The following PBX3 variants were observed in gnomAD, a reference collection of about 807,000 sequenced individuals.
PBX3 encodes PBX homeobox 3, also known as pre-B-cell leukemia transcription factor 3.
Under a neutral mutation model 48.5 loss-of-function variants are expected in PBX3, and 14 were observed. The observed-to-expected ratio is 0.29, with a 90% CI of 0.19 to 0.45. The LOEUF (loss-of-function observed/expected upper bound fraction) is 0.45, where lower values mean the gene tolerates loss of function less well. Ranked by LOEUF, PBX3 falls within the 20% of genes least tolerant of loss-of-function variation. The pLI, the probability that PBX3 is intolerant of heterozygous loss-of-function variation, is 1.00. For synonymous variants in PBX3, 210 were observed against 200.3 expected (o/e 1.05, Z -0.41); for missense variants, 386 against 546.7 (o/e 0.71, Z 2.93).
chr9:125,770,408 A>C (rs1251809750), intron 2 of PBX3, among the ~76,000 whole-genome samples: 1 of 152,188 alleles, frequency 6.6e-6, no homozygotes, highest in Non-Finnish European at 1.5e-5. Flanking sequence ...AGGGGAATAT[A>C]GTACTTAGGC....
At chr9:125,928,752 A>C (rs1841645886) in intron 3 of PBX3, among the ~76,000 whole-genome samples, 2 of 152,182 alleles carry the variant, frequency 1.3e-5, no homozygotes, top group Non-Finnish European at 1.5e-5. Context: ...GGCGTGAGCC[A>C]CCGCGCCCGG....
chr9:125,926,155 A>AG (rs1212246869), intron 3 of PBX3, among the ~76,000 whole-genome samples: 10 of 152,258 alleles, frequency 6.6e-5, no homozygotes, highest in African/African-American at 2.4e-4. Context: ...GGAAAGTTCA[A>AG]GAAAAAGATA....
At chr9:125,790,598 C>G (rs541509604) in intron 2 of PBX3, among the ~76,000 whole-genome samples, 1 of 146,390 alleles carries the variant, frequency 6.8e-6, no homozygotes, top group Non-Finnish European at 1.5e-5. Flanking sequence ...AAACAGAGTC[C>G]TGTTCTGTCA....
At chr9:125,832,687 C>T (rs1839000478) in intron 2 of PBX3, among the ~76,000 whole-genome samples, 1 of 152,218 alleles carries the variant, frequency 6.6e-6, no homozygotes, top group Non-Finnish European at 1.5e-5. Flanking sequence ...CTCAGATTCA[C>T]TTGCTTAGAT....
intron 2 of PBX3, among the ~76,000 whole-genome samples, chr9:125,780,834 C>T (rs1373832547): frequency 6.7e-6 from 1 of 149,564 alleles, no homozygotes; most frequent in African/African-American, 2.5e-5. Context: ...TCCTCACTTC[C>T]CAGACGGGGT....
intron 2 of PBX3, among the ~76,000 whole-genome samples, chr9:125,852,277 A>G (rs1004262514): frequency 6.6e-6 from 1 of 152,188 alleles, no homozygotes; most frequent in Non-Finnish European, 1.5e-5. Context: ...CATTCAGTTT[A>G]CAAAAAAGTT....
intron 2 of PBX3, among the ~76,000 whole-genome samples, chr9:125,872,362 A>G (rs1282584436): frequency 6.6e-6 from 1 of 152,334 alleles, no homozygotes; most frequent in Non-Finnish European, 1.5e-5. Context: ...CTGACAACAC[A>G]CTTATTTACA....
At chr9:125,747,739 C>A in intron 1 of PBX3, 86 bp downstream of exon 1, 2 of 1,038,798 alleles carry the variant, frequency 1.9e-6, no homozygotes, top group Non-Finnish European at 2.6e-6. Context: ...GCGCCCGGGG[C>A]TAGGGCCGCA....
intron 4 of PBX3, among the ~76,000 whole-genome samples, chr9:125,931,520 ACTC>A (rs934642181): frequency 2.6e-5 from 4 of 151,666 alleles, no homozygotes; most frequent in African/African-American, 4.8e-5. Context: ...CTGGTCTTGA[ACTC>A]CTGAACTCAA....
intron 2 of PBX3, among the ~76,000 whole-genome samples, chr9:125,773,186 C>T (rs1031544233): frequency 1.3e-5 from 2 of 151,910 alleles, no homozygotes; most frequent in African/African-American, 4.8e-5. Context: ...AGATCAGTGA[C>T]GATATGTATT....
Position 125,830,950 on chromosome 9 carries a change from C to T in PBX3, c.274+82327C>T, listed in dbSNP as rs547219538. ...GGTACAATGAACTCCTGTATAACCA[C>T]CAGTCAGCTTTAACCACTAATATGT... On this transcript the variant is annotated intron_variant, in intron 2 of 8. Transcript: ENST00000373489. Among the ~76,000 whole-genome samples, 3 of 152,212 alleles carry T rather than the reference C, an allele frequency of 2.0e-5. No homozygotes were observed. In the East Asian group the frequency reaches 5.8e-4, roughly 29 times the overall value.
At chr9:125,826,974 A>G (rs1390105484) in intron 2 of PBX3, among the ~76,000 whole-genome samples, 1 of 152,164 alleles carries the variant, frequency 6.6e-6, no homozygotes, top group Non-Finnish European at 1.5e-5. Context: ...TAGAAATTAT[A>G]CTTTTAATCT....
At chr9:125,923,385 T>TAACG (rs1841496235) in intron 3 of PBX3, among the ~76,000 whole-genome samples, 2 of 152,214 alleles carry the variant, frequency 1.3e-5, no homozygotes, top group Admixed American at 6.5e-5. Flanking sequence ...ATTAACAGTG[T>TAACG]TACGTGGCAT....
chr9:125,761,058 T>C (rs535740328), intron 2 of PBX3, among the ~76,000 whole-genome samples: 3 of 152,204 alleles, frequency 2.0e-5, no homozygotes, highest in Non-Finnish European at 4.4e-5. Context: ...TTAAGAGATA[T>C]GAAATTAGTG....
intron 2 of PBX3, among the ~76,000 whole-genome samples, chr9:125,884,050 C>T (rs530434409): frequency 1.3e-5 from 2 of 152,134 alleles, no homozygotes; most frequent in Admixed American, 6.5e-5. Context: ...TAATTAATGG[C>T]AATTAATCCT....
intron 8 of PBX3, among the ~76,000 whole-genome samples, chr9:125,963,711 G>C (rs1251442509): frequency 6.6e-6 from 1 of 152,158 alleles, no homozygotes; most frequent in African/African-American, 2.4e-5. Context: ...AGGTCATCGT[G>C]GTGGTGCTGC....
At chr9:125,805,300 G>A (rs532029433) in intron 2 of PBX3, among the ~76,000 whole-genome samples, 243 of 152,234 alleles carry the variant, frequency 1.6e-3, no homozygotes, top group African/African-American at 5.5e-3. Context: ...TAGTGTGTGA[G>A]GGGAAGAATA....
intron 2 of PBX3, among the ~76,000 whole-genome samples, chr9:125,769,815 A>T (rs1274117048): frequency 6.6e-6 from 1 of 152,220 alleles, no homozygotes; most frequent in African/African-American, 2.4e-5. Flanking sequence ...TTTACAAAAT[A>T]AGGAAGTAGG....
At chr9:125,834,978 C>T (rs1839079882) in intron 2 of PBX3, among the ~76,000 whole-genome samples, 1 of 117,378 alleles carries the variant, frequency 8.5e-6, no homozygotes, top group Non-Finnish European at 1.6e-5. Flanking sequence ...GTTCATGCCA[C>T]TGCACTCCAG....
Sources: allele counts gnomAD v4.1 joint callset (sites outside exome capture counted in the v4.1 genomes callset), GRCh38; gene constraint gnomAD v4.1.1; transcripts MANE v1.5; gene names NCBI Gene and HGNC (gene_info 2026-07-23, HGNC 2026-07-21).